Variants in NAALADL2 observed in about 807,000 individuals in gnomAD.
The protein encoded by NAALADL2 is N-acetylated alpha-linked acidic dipeptidase like 2.
A neutral mutation model predicts 87.2 loss-of-function variants in NAALADL2; 76 were observed. That is an observed-to-expected ratio of 0.87 (90% CI 0.72 to 1.05). The LOEUF (loss-of-function observed/expected upper bound fraction) is 1.05, where lower values mean the gene tolerates loss of function less well. Among genes scored for constraint, NAALADL2 ranks in the 50% least tolerant of loss-of-function variants. The pLI is 0.00. For missense variants in NAALADL2, 1,089 were observed against 945.8 expected (o/e 1.15, Z -1.99); for synonymous variants, 354 against 331.0 (o/e 1.07, Z -0.75).
At chr3:174,467,430 T>A (rs556450754) in intron 1 of NAALADL2, among the ~76,000 whole-genome samples, 1 of 150,784 alleles carries the variant, frequency 6.6e-6, no homozygotes, top group African/African-American at 2.4e-5. Flanking sequence ...CCGTGGCTAC[T>A]AAAAATACAA....
chr3:175,640,782 C>T (rs543193535), intron 11 of NAALADL2, among the ~76,000 whole-genome samples: 83 of 152,152 alleles, frequency 5.5e-4, no homozygotes, highest in African/African-American at 1.9e-3. Context: ...CAATGTTTAA[C>T]AAGTGTTGTA....
chr3:175,216,692 G>A (rs1256019847), intron 2 of NAALADL2, among the ~76,000 whole-genome samples: 12 of 110,144 alleles, frequency 1.1e-4, no homozygotes, highest in Non-Finnish European at 2.0e-4. Context: ...TTTTTGAGAA[G>A]GTGTCTCGCC....
At chr3:175,071,263 GT>G (rs1385152644) in intron 1 of NAALADL2, among the ~76,000 whole-genome samples, 4 of 152,006 alleles carry the variant, frequency 2.6e-5, no homozygotes, top group African/African-American at 7.2e-5. Context: ...TTTCAGCTCT[GT>G]TTTTATTTCT....
At chr3:175,018,911 C>T (rs964450325) in intron 1 of NAALADL2, among the ~76,000 whole-genome samples, 11 of 152,058 alleles carry the variant, frequency 7.2e-5, no homozygotes, top group Non-Finnish European at 1.2e-4. Context: ...AGTATCTTCA[C>T]GGAAGCTTAC....
intron 11 of NAALADL2, among the ~76,000 whole-genome samples, chr3:175,734,564 G>GA (rs1361015782): frequency 1.7e-4 from 25 of 150,208 alleles, no homozygotes; most frequent in African/African-American, 4.9e-4. Context: ...TTCAAAAAAA[G>GA]AAAAAAAAAG....
At chr3:175,559,708 T>C (rs1055413882) in intron 9 of NAALADL2, among the ~76,000 whole-genome samples, 8 of 152,200 alleles carry the variant, frequency 5.3e-5, no homozygotes, top group Non-Finnish European at 7.4e-5. Context: ...ACAGTTTTTG[T>C]CCTTCATCCT....
intron 13 of NAALADL2, among the ~76,000 whole-genome samples, chr3:175,786,223 A>G (rs1203001557): frequency 1.3e-5 from 2 of 151,664 alleles, no homozygotes; most frequent in African/African-American, 4.9e-5. Context: ...CGTTCTCTGT[A>G]TTTCCTGAAT....
At position 175,652,994 on chromosome 3, in the gene NAALADL2, A is replaced by C. The variant is rs116623222; in HGVS notation, c.1896+25608A>C. Reference sequence around the variant, plus strand: ...GATTGACACATATTTTGTATGTTATATGTATTGTACACTGTATTCTTACAA... The same window carrying C: ...GATTGACACATATTTTGTATGTTATCTGTATTGTACACTGTATTCTTACAA... On this transcript the variant is annotated intron_variant, in intron 11 of 13. Coordinates refer to ENST00000454872, the MANE Select transcript of NAALADL2 (RefSeq NM_207015.3). Among the ~76,000 whole-genome samples the C allele has an allele frequency of 6.7e-3, 1,022 of 152,292 alleles. 13 individuals carry two copies. The highest frequency in any genetic ancestry group is 0.023 in the African/African-American group (963 of 41,542).
At chr3:175,607,482 C>T (rs988986348) in intron 10 of NAALADL2, among the ~76,000 whole-genome samples, 15 of 152,180 alleles carry the variant, frequency 9.9e-5, no homozygotes, top group African/African-American at 3.6e-4. Flanking sequence ...TTTACATATA[C>T]ACCATAAATA....
intron 6 of NAALADL2, among the ~76,000 whole-genome samples, chr3:175,451,807 T>C (rs921856640): frequency 2.0e-5 from 3 of 152,096 alleles, no homozygotes; most frequent in African/African-American, 7.2e-5. Context: ...TATTTCCTAT[T>C]ATTTCCTTAT....
At chr3:175,693,664 C>A (rs1424202292) in intron 11 of NAALADL2, among the ~76,000 whole-genome samples, 3 of 151,966 alleles carry the variant, frequency 2.0e-5, no homozygotes, top group Non-Finnish European at 4.4e-5. Flanking sequence ...AAAAAAAATT[C>A]TCAGAAAAGT....
chr3:175,714,301 G>A (rs539269058), intron 11 of NAALADL2, among the ~76,000 whole-genome samples: 16 of 152,166 alleles, frequency 1.1e-4, no homozygotes, highest in African/African-American at 2.6e-4. Flanking sequence ...TTGAGGAATC[G>A]CCACACTGTC....
chr3:175,311,327 C>T (rs905425401), intron 4 of NAALADL2, among the ~76,000 whole-genome samples: 3 of 151,022 alleles, frequency 2.0e-5, no homozygotes, highest in African/African-American at 7.3e-5. Flanking sequence ...TATAAAGTCA[C>T]ATTATTATTT....
chr3:175,269,065 A>G (rs1239413583), intron 4 of NAALADL2, among the ~76,000 whole-genome samples: 4 of 151,774 alleles, frequency 2.6e-5, no homozygotes, highest in Non-Finnish European at 5.9e-5. Context: ...CAGCCTCCCA[A>G]GTAGCTAGGA....
At chr3:175,003,765 G>C (rs1748578959) in intron 1 of NAALADL2, among the ~76,000 whole-genome samples, 1 of 152,174 alleles carries the variant, frequency 6.6e-6, no homozygotes, top group South Asian at 2.1e-4. Flanking sequence ...TCATAATAGT[G>C]ACTATGAAGA....
At chr3:175,392,655 T>C (rs753292) in intron 5 of NAALADL2, among the ~76,000 whole-genome samples, 31,856 of 152,216 alleles carry the variant, frequency 0.21, 4,215 homozygotes, top group East Asian at 0.47. Context: ...CCATTGTTTC[T>C]TTCCTAAAAC....
chr3:174,744,254 A>G (rs547072439), intron 3 of NAALADL2, among the ~76,000 whole-genome samples: 2 of 152,034 alleles, frequency 1.3e-5, no homozygotes, highest in South Asian at 4.1e-4. Flanking sequence ...CAATGTAATT[A>G]TAGGGTCCTT....
intron 5 of NAALADL2, among the ~76,000 whole-genome samples, chr3:175,423,893 A>G (rs574721428): frequency 6.6e-6 from 1 of 152,078 alleles, no homozygotes; most frequent in East Asian, 1.9e-4. Context: ...CAGTGTAAAA[A>G]TGTTCCTATT....
intron 2 of NAALADL2, among the ~76,000 whole-genome samples, chr3:174,726,685 T>TC (rs1670599065): frequency 6.6e-6 from 1 of 152,110 alleles, no homozygotes; most frequent in South Asian, 2.1e-4. Context: ...CTTCCTTCCT[T>TC]CATCATCAAA....
Sources: gnomAD v4.1 joint callset for allele counts (sites outside exome capture counted in the v4.1 genomes callset) on GRCh38, gnomAD v4.1.1 for gene constraint, MANE v1.5 for transcripts, NCBI Gene and HGNC (gene_info 2026-07-23, HGNC 2026-07-21) for gene names.